Variants in CACNA1C observed in about 807,000 individuals in gnomAD.
The protein encoded by CACNA1C is calcium voltage-gated channel subunit alpha1 C.
A neutral mutation model predicts 229.0 loss-of-function variants in CACNA1C; 30 were observed. The observed-to-expected ratio is 0.13, with a 90% CI of 0.10 to 0.18. The LOEUF (loss-of-function observed/expected upper bound fraction) is 0.18. Among genes scored for constraint, CACNA1C ranks in the 10% least tolerant of loss-of-function variants. The pLI is 1.00. For missense variants in CACNA1C, 1,658 were observed against 2,845.0 expected (o/e 0.58, Z 9.49); for synonymous variants, 1,114 against 1,132.5 (o/e 0.98, Z 0.33).
chr12:2,531,170 C>T (rs2099840103), intron 9 of CACNA1C, among the ~76,000 whole-genome samples: 1 of 152,234 alleles, frequency 6.6e-6, no homozygotes, highest in Admixed American at 6.5e-5. Flanking sequence ...AGGTTCAGAT[C>T]ATTGGCCTGA....
At chr12:2,043,335 A>C (rs528369017) in intron 1 of CACNA1C, among the ~76,000 whole-genome samples, 1 of 152,328 alleles carries the variant, frequency 6.6e-6, no homozygotes, top group African/African-American at 2.4e-5. Context: ...ATATAATACA[A>C]ATCTATTTCT....
chr12:1,997,313 G>T (rs555346842), intron 1 of CACNA1C, among the ~76,000 whole-genome samples: 38 of 152,332 alleles, frequency 2.5e-4, no homozygotes, highest in East Asian at 2.1e-3. Context: ...TGGATCACGA[G>T]GTCAGGAGTT....
intron 8 of CACNA1C, among the ~76,000 whole-genome samples, chr12:2,508,909 CAGAA>C (rs1173257169): frequency 1.3e-5 from 2 of 152,208 alleles, no homozygotes; most frequent in Admixed American, 6.5e-5. Context: ...TACTTCCCCT[CAGAA>C]AGCTCAATCT....
At chr12:2,077,196 A>G (rs370631530) in intron 1 of CACNA1C, among the ~76,000 whole-genome samples, 3 of 152,368 alleles carry the variant, frequency 2.0e-5, no homozygotes, top group South Asian at 2.1e-4. Flanking sequence ...AAATTTGAAC[A>G]TTAGCTAACC....
chr12:2,170,689 T>C (rs113389982), intron 3 of CACNA1C, among the ~76,000 whole-genome samples: 1,941 of 152,330 alleles, frequency 0.013, 40 homozygotes, highest in African/African-American at 0.043. Context: ...TGGTAGGCCA[T>C]GGAGTGGGGA....
intron 3 of CACNA1C, among the ~76,000 whole-genome samples, chr12:2,128,124 T>C (rs1322038341): frequency 6.6e-6 from 1 of 152,154 alleles, no homozygotes; most frequent in Non-Finnish European, 1.5e-5. Context: ...TATCCCTTTA[T>C]TTCAGATAAG....
chr12:2,071,172 C>CCCTCCCTCCCTTCCTTCCTT (rs1555115765), intron 1 of CACNA1C, among the ~76,000 whole-genome samples: 4 of 16,042 alleles, frequency 2.5e-4, no homozygotes, highest in African/African-American at 1.6e-3. Context: ...CTCCCTCCCT[C>CCCTCCCTCCCTTCCTTCCTT]CCTGCCTGCC....
chr12:2,353,577 G>A (rs2097268635), intron 3 of CACNA1C, among the ~76,000 whole-genome samples: 1 of 152,196 alleles, frequency 6.6e-6, no homozygotes, highest in African/African-American at 2.4e-5. Flanking sequence ...GGTCCGAAGG[G>A]CCCCATGGAG....
Position 2,300,343 on chromosome 12 carries a change from CGGCG to C in CACNA1C, c.478-148627_478-148624del, listed in dbSNP as rs959497011. ...CATATAAAAAGGACCAGGCCGGGCA[CGGCG>C]GGCGGCTCATGCCTGTAATCCCAGC... On this transcript the variant is annotated intron_variant, in intron 3 of 46. Coordinates refer to ENST00000399655, the MANE Select transcript of CACNA1C (RefSeq NM_000719.7). Among the ~76,000 whole-genome samples, 121 of 152,254 alleles carry C rather than the reference CGGCG, an allele frequency of 7.9e-4. 1 individual carries two copies. The highest frequency in any genetic ancestry group is 2.9e-3 in the African/African-American group (120 of 41,552).
Position 2,585,436 on chromosome 12 carries a change from G to A in CACNA1C, c.2400G>A (p.Lys800=). 1 of 1,605,478 alleles carries A rather than the reference G, an allele frequency of 6.2e-7. No homozygotes were observed. ...LVEKPAVGES[K]EEKIELKSIT... is the part of the protein sequence containing the mutation. ...AGAAGCCGGCAGTGGGGGAATCCAA[G>A]GAGGAGAAGATTGAGCTGAAATCCA... The change falls in exon 17 of 47, where the codon AAG becomes AAA. Residue 800 remains lysine, a synonymous_variant. Coordinates refer to ENST00000399655, the MANE Select transcript of CACNA1C (RefSeq NM_000719.7). The surrounding 1 kb of genome is among the most constrained non-coding windows in gnomAD (Gnocchi z 4.1).
rs1317882818 is a variant in CACNA1C, at chr12:2,692,619, T to C, written c.*1420T>C. ...TGCAAAAACAATGCAATAATATTCA[T>C]TTAAAAATACAATTGTGAGTTGTGT... On this transcript the variant is annotated 3_prime_UTR_variant, in exon 47 of 47. Transcript: ENST00000399655. 3.3e-5 allele frequency: 5 copies of C among 152,636 alleles called. No homozygotes were observed. Among genetic ancestry groups the C allele is most frequent in the Admixed American group, 2.6e-4 (4 of 15,258 alleles). 9.5% of individuals were successfully genotyped at this position (152,636 alleles called of 1,614,324 possible).
chr12:2,212,862 C>G (rs1040231315), intron 3 of CACNA1C, among the ~76,000 whole-genome samples: 3 of 152,164 alleles, frequency 2.0e-5, no homozygotes, highest in Admixed American at 2.0e-4. Flanking sequence ...AACTGGACAC[C>G]ATGCATTTTC....
At chr12:1,994,491 G>A (rs1317797213) in intron 1 of CACNA1C, among the ~76,000 whole-genome samples, 1 of 152,214 alleles carries the variant, frequency 6.6e-6, no homozygotes. Context: ...AAGGGGTAAA[G>A]TGGTGGTAAG....
chr12:2,681,948 A>C, intron 42 of CACNA1C: 1 of 1,561,672 alleles, frequency 6.4e-7, no homozygotes, highest in Non-Finnish European at 8.8e-7. Context: ...CTGTCCCAGC[A>C]GGGAAAGGCA....
At chr12:2,399,056 G>T (rs1196781458) in intron 3 of CACNA1C, among the ~76,000 whole-genome samples, 1 of 152,166 alleles carries the variant, frequency 6.6e-6, no homozygotes, top group Non-Finnish European at 1.5e-5. Context: ...ACTTGAGACA[G>T]GGGTGGCTCC....
At chr12:2,162,570 A>G (rs1566068200) in intron 3 of CACNA1C, among the ~76,000 whole-genome samples, 2 of 152,134 alleles carry the variant, frequency 1.3e-5, no homozygotes, top group African/African-American at 2.4e-5. Context: ...GTAACTAGTT[A>G]TAATAGCTAC....
At chr12:2,198,866 A>G (rs1185326746) in intron 3 of CACNA1C, among the ~76,000 whole-genome samples, 1 of 152,084 alleles carries the variant, frequency 6.6e-6, no homozygotes, top group Non-Finnish European at 1.5e-5. Flanking sequence ...GCATTTTACT[A>G]TATGCTAATT....
rs74059846 is a variant in CACNA1C, at chr12:2,413,370, C to G, written c.478-35606C>G. ...AACAAATGAAAGCAATTTGATAAAG[C>G]GTGAATGACTCTACCATCTATCCTA... On this transcript the variant is annotated intron_variant, in intron 3 of 46. Transcript: ENST00000399655. 9.7e-3 allele frequency among the ~76,000 whole-genome samples: 1,482 copies of G among 152,292 alleles called. 26 individuals carry two copies. The highest frequency in any genetic ancestry group is 0.034 in the African/African-American group (1,432 of 41,558).
At chr12:2,456,814 TTA>T (rs1305422828) in intron 4 of CACNA1C, among the ~76,000 whole-genome samples, 5 of 152,202 alleles carry the variant, frequency 3.3e-5, no homozygotes, top group African/African-American at 1.2e-4. Context: ...ATTGCTCAGT[TTA>T]TTGTCTGTCT....
Sources: allele counts gnomAD v4.1 joint callset (sites outside exome capture counted in the v4.1 genomes callset), GRCh38; gene constraint gnomAD v4.1.1; non-coding constraint Gnocchi (gnomAD v3.1); transcripts MANE v1.5; gene names NCBI Gene and HGNC (gene_info 2026-07-23, HGNC 2026-07-21).